The following MYBPC3 variants were observed in gnomAD, a reference collection of about 807,000 sequenced individuals.
MYBPC3 encodes myosin-binding protein C, cardiac-type.
Under a neutral mutation model 159.3 loss-of-function variants are expected in MYBPC3, and 108 were observed. That is an observed-to-expected ratio of 0.68 (90% confidence interval 0.58 to 0.80). The LOEUF (loss-of-function observed/expected upper bound fraction) is 0.80. MYBPC3 is among the 30% of genes least tolerant of loss of function. MYBPC3 has a pLI of 0.00. For missense variants in MYBPC3, 1,631 were observed against 1,762.1 expected (o/e 0.93, Z 1.33); for synonymous variants, 730 against 702.0 (o/e 1.04, Z -0.63).
Position 47,332,514 on chromosome 11 carries a change from C to A in MYBPC3, c.3627+52G>T. On this transcript the variant is annotated intron_variant, in intron 32 of 34. Transcript: ENST00000545968. This position sits in a 1 kb window ranked among gnomAD's most constrained non-coding sequence, Gnocchi z 4.2. ...GGGAGAGGACTGCTCAACGTCGGGGCCTGTGAGCCCTGCCTCCTGGTCGGC... is the reference window on the plus strand; with the variant it reads ...GGGAGAGGACTGCTCAACGTCGGGGACTGTGAGCCCTGCCTCCTGGTCGGC... 1 of 1,577,684 alleles carries A rather than the reference C, an allele frequency of 6.3e-7. No individual in the cohort carries two copies. The highest frequency in any genetic ancestry group is 8.6e-7 in the Non-Finnish European group (1 of 1,159,470).
intron 12 of MYBPC3, among the ~76,000 whole-genome samples, chr11:47,343,922 G>A (rs561770283): frequency 1.3e-5 from 2 of 152,328 alleles, no homozygotes; most frequent in African/African-American, 4.8e-5. Flanking sequence ...CCGAGTAGCT[G>A]GGATTACAGG....
Position 47,342,945 on chromosome 11 carries a change from C to A in MYBPC3, c.1352-10G>T, listed in dbSNP as rs745645848. ...ATGAGCACAGGGGGCTCTGTCCAGGCAGGGTGAGCATGAGGGTTGGCTCCC... is the reference window on the plus strand; with the variant it reads ...ATGAGCACAGGGGGCTCTGTCCAGGAAGGGTGAGCATGAGGGTTGGCTCCC... On this transcript the variant is annotated splice_polypyrimidine_tract_variant and intron_variant, in intron 15 of 34. Transcript: ENST00000545968. The A allele has an allele frequency of 2.5e-6, 4 of 1,610,934 alleles. No individual in the cohort carries two copies. The highest frequency in any genetic ancestry group is 3.4e-6 in the Non-Finnish European group (4 of 1,178,602).
At position 47,332,536 on chromosome 11, in the gene MYBPC3, C is replaced by T. The variant is rs373904644; in HGVS notation, c.3627+30G>A. 1,170 of 1,589,296 alleles carry T rather than the reference C, an allele frequency of 7.4e-4. 16 individuals carry two copies. In the South Asian group the frequency reaches 0.012, roughly 17 times the overall value. On this transcript the variant is annotated intron_variant, in intron 32 of 34. Coordinates refer to ENST00000545968, the MANE Select transcript of MYBPC3 (RefSeq NM_000256.3). This position sits in a 1 kb window ranked among gnomAD's most constrained non-coding sequence, Gnocchi z 4.2. ...GGGCCTGTGAGCCCTGCCTCCTGGT[C>T]GGCCTGGACCAGCGCCTAAAGTTCC...
chr11:47,335,024 G>A lies in MYBPC3; in HGVS notation c.2905+18C>T, dbSNP rs1051047152. 9 of 1,499,192 alleles carry A rather than the reference G, an allele frequency of 6.0e-6. No individual in the cohort carries two copies. Among genetic ancestry groups the A allele is most frequent in the African/African-American group, 1.4e-5 (1 of 71,458 alleles). 92.9% of individuals were successfully genotyped at this position (1,499,192 alleles called of 1,614,324 possible). A position where few individuals can be genotyped will look rare whatever the true frequency, so the allele number is the denominator to read the frequency against. ...GGTGTCAATGGCGGGTCTTGTGACT[G>A]CACAAAGGGGCACTCACGCAGGATC... On this transcript the variant is annotated intron_variant, in intron 27 of 34. Transcript: ENST00000545968.
Position 47,337,525 on chromosome 11 carries a change from A to G in MYBPC3, c.2468T>C (p.Phe823Ser). ...ATGACTCAGCTCCTGAATCAGGTCG[A>G]AGTTCAGCCGCATCCACCGGTAGCT... ...KKSYRWMRLN[F>S]DLIQELSHEA... The change falls in exon 25 of 35, where the codon TTC becomes TCC. Residue 823 changes from phenylalanine (F) to serine (S), a missense_variant. Physicochemically the swap from Phe to Ser is radical, Grantham distance 155 (BLOSUM62 -2). Coordinates refer to ENST00000545968, the MANE Select transcript of MYBPC3 (RefSeq NM_000256.3). 1 of 1,613,982 alleles carries G rather than the reference A, an allele frequency of 6.2e-7. No homozygotes were observed. The highest frequency in any genetic ancestry group is 8.5e-7 in the Non-Finnish European group (1 of 1,179,894).
Position 47,337,452 on chromosome 11 carries a change from G to C in MYBPC3, c.2541C>G (p.Tyr847Ter), listed in dbSNP as rs397515974. Residue 847 changes from tyrosine to a stop codon, truncating the protein, a stop_gained, in exon 25 of 35, where the codon TAC (tyrosine) becomes TAG (stop). Coordinates refer to ENST00000545968, the MANE Select transcript of MYBPC3 (RefSeq NM_000256.3). LOFTEE classifies it high-confidence loss of function. ...IEGVVYEMRVYAVNAIGMSRP... is the reference protein window; with the variant it reads ...IEGVVYEMRV Reference sequence around the variant, plus strand: ...TGGACATGCCGATGGCGTTGACCGCGTAGACGCGCATCTCGTACACCACGC... The same window carrying C: ...TGGACATGCCGATGGCGTTGACCGCCTAGACGCGCATCTCGTACACCACGC... The C allele has an allele frequency of 6.2e-7, 1 of 1,613,278 alleles. No homozygotes were observed. The highest frequency in any genetic ancestry group is 8.5e-7 in the Non-Finnish European group (1 of 1,179,784).
In MYBPC3 at chr11:47,343,145, C is replaced by T; in HGVS notation, c.1227G>A (p.Lys409=). The T allele has an allele frequency of 6.2e-7, 1 of 1,610,468 alleles. No individual in the cohort carries two copies. Among genetic ancestry groups the T allele is most frequent in the Non-Finnish European group, 8.5e-7 (1 of 1,178,372 alleles). ...NGQEIQMSGS[K]YIFESIGAKR... is the part of the protein sequence containing the mutation. ...TGGCACCGATGGACTCAAAGATGTACCTGGGTGGGGGCCGCAGGGAAGTGG... is the reference window on the plus strand; with the variant it reads ...TGGCACCGATGGACTCAAAGATGTATCTGGGTGGGGGCCGCAGGGAAGTGG... Residue 409 remains lysine (K), a splice_region_variant and synonymous_variant, in exon 15 of 35, where the codon AAG becomes AAA. Transcript: ENST00000545968.
At chr11:47,349,731 C>T in intron 5 of MYBPC3, 43 bp downstream of exon 5, 1 of 1,589,242 alleles carries the variant, frequency 6.3e-7, no homozygotes, top group Non-Finnish European at 8.5e-7. Flanking sequence ...TAGGGCTCTC[C>T]ATGTCCCCTC....
chr11:47,348,334 G>T, intron 6 of MYBPC3, 90 bp downstream of exon 6: 1 of 972,510 alleles, frequency 1.0e-6, no homozygotes, highest in Non-Finnish European at 1.6e-6. Context: ...TGGATGGGAC[G>T]AGGCATCCTC....
intron 12 of MYBPC3, among the ~76,000 whole-genome samples, chr11:47,345,648 C>T (rs2095893373): frequency 6.6e-6 from 1 of 152,148 alleles, no homozygotes; most frequent in Non-Finnish European, 1.5e-5. Context: ...TGGAGAAGGG[C>T]TATTCCTGGG....
In MYBPC3 at chr11:47,338,430, TG is replaced by T. The variant is rs2095884758; in HGVS notation, c.2308+89del. 4 of 1,569,060 alleles carry T rather than the reference TG, an allele frequency of 2.5e-6. No homozygotes were observed. The South Asian group carries it at 4.6e-5, about 18-fold the overall frequency. ...CTCGGCTCAGGGAGCATGCCCGTGA[TG>T]TTTGTCGAGTGGCTGAATGAGCGAA... On this transcript the variant is annotated intron_variant, in intron 23 of 34. Coordinates refer to ENST00000545968, the MANE Select transcript of MYBPC3 (RefSeq NM_000256.3). The surrounding 1 kb of genome is among the most constrained non-coding windows in gnomAD (Gnocchi z 4.7).
chr11:47,338,771 G>A lies in MYBPC3; in HGVS notation c.2149-92C>T, dbSNP rs2095885292. 2 of 1,405,026 alleles carry A rather than the reference G, an allele frequency of 1.4e-6. No individual in the cohort carries two copies. Among genetic ancestry groups the A allele is most frequent in the Non-Finnish European group, 1.9e-6 (2 of 1,052,990 alleles). 87.0% of individuals were successfully genotyped at this position (1,405,026 alleles called of 1,614,324 possible). On this transcript the variant is annotated intron_variant, in intron 22 of 34. Transcript: ENST00000545968. This position sits in a 1 kb window ranked among gnomAD's most constrained non-coding sequence, Gnocchi z 4.7. ...CAGCCAGATGTCCCGGGGGTCCATG[G>A]GGGGAACACAGCCTGTGGGAAGACT...
In MYBPC3 at chr11:47,348,419, C is replaced by T. The variant is rs730880626; in HGVS notation, c.772+5G>A. 1.2e-6 allele frequency: 2 copies of T among 1,604,476 alleles called. No homozygotes were observed. The highest frequency in any genetic ancestry group is 1.7e-6 in the Non-Finnish European group (2 of 1,173,736). ...AGCCCAGGACAGACACCAGGGCCCC[C>T]TCACCGTGGACAGTGAGATTGAAGT... is the stretch of plus-strand genomic sequence containing the variant. On this transcript the variant is annotated splice_donor_5th_base_variant and intron_variant, in intron 6 of 34. Coordinates refer to ENST00000545968, the MANE Select transcript of MYBPC3 (RefSeq NM_000256.3).
Position 47,346,477 on chromosome 11 carries a change from C to G in MYBPC3, c.927-107G>C, listed in dbSNP as rs1212451720. 1 of 1,459,556 alleles carries G rather than the reference C, an allele frequency of 6.9e-7. No homozygotes were observed. The highest frequency in any genetic ancestry group is 2.6e-5 in the Admixed American group (1 of 39,026). 90.4% of individuals were successfully genotyped at this position (1,459,556 alleles called of 1,614,324 possible). A position where few individuals can be genotyped will look rare whatever the true frequency, so the allele number is the denominator to read the frequency against. ...CTGTAGCCACCCCTGTCCCTCTGCC[C>G]CTTCCCTTCTGGTGGGGCAGCTGGA... On this transcript the variant is annotated intron_variant, in intron 11 of 34. Transcript: ENST00000545968. This position sits in a 1 kb window ranked among gnomAD's most constrained non-coding sequence, Gnocchi z 5.3.
rs397515912 is a variant in MYBPC3, at chr11:47,342,611, C to A, written c.1591G>T (p.Gly531Trp). ...ATGAGCTCAGCCAGCGCCTGGCCCC[C>A]GCTAGTGCACAGTGCATAGTGCCCC... ...DAGHYALCTS[G>W]GQALAELIVQ... The change falls in exon 17 of 35, where the codon GGG becomes TGG. Residue 531 changes from glycine to tryptophan, a missense_variant. Transcript: ENST00000545968. 1.2e-6 allele frequency: 2 copies of A among 1,612,338 alleles called. No individual in the cohort carries two copies. Among genetic ancestry groups the A allele is most frequent in the African/African-American group, 1.3e-5 (1 of 74,914 alleles).
intron 5 of MYBPC3, 107 bp downstream of exon 5, chr11:47,349,667 C>T: frequency 7.0e-7 from 1 of 1,422,602 alleles, no homozygotes; most frequent in East Asian, 2.5e-5. Context: ...CCCTTGCTTG[C>T]AGCTCGTGTG....
In MYBPC3 at chr11:47,331,724, A is replaced by T; in HGVS notation, c.*27-8T>A. On this transcript the variant is annotated splice_polypyrimidine_tract_variant and splice_region_variant and intron_variant, in intron 34 of 34. Transcript: ENST00000545968. ...GCTGGCATCCGGTTGTACCTGCAACACAGGTTATCTTACGAGTGAATGGAG... is the reference window on the plus strand; with the variant it reads ...GCTGGCATCCGGTTGTACCTGCAACTCAGGTTATCTTACGAGTGAATGGAG... 1.9e-6 allele frequency: 2 copies of T among 1,074,058 alleles called. No homozygotes were observed. Among genetic ancestry groups the T allele is most frequent in the Non-Finnish European group, 2.6e-6 (2 of 762,004 alleles). 66.5% of individuals were successfully genotyped at this position (1,074,058 alleles called of 1,614,324 possible).
chr11:47,341,023 A>G lies in MYBPC3; in HGVS notation c.1907T>C (p.Ile636Thr). Residue 636 changes from isoleucine to threonine, a missense_variant, in exon 20 of 35, where the codon ATT becomes ACT. Ile to Thr is a moderately conservative substitution (Grantham distance 89, BLOSUM62 -1). Transcript: ENST00000545968. Reference sequence around the variant, plus strand: ...CTTACCCTGCCTGGGTACGAAGTCAATCTTGACCTCTGCAAGAGAAGGAAG... The same window carrying G: ...CTTACCCTGCCTGGGTACGAAGTCAGTCTTGACCTCTGCAAGAGAAGGAAG... ...SAKLHFMEVK[I>T]DFVPRQEPPK... 2 of 1,575,706 alleles carry G rather than the reference A, an allele frequency of 1.3e-6. No individual in the cohort carries two copies. The highest frequency in any genetic ancestry group is 1.7e-6 in the Non-Finnish European group (2 of 1,160,868).
chr11:47,332,542 G>T lies in MYBPC3; in HGVS notation c.3627+24C>A. 6.3e-7 allele frequency: 1 copy of T among 1,598,360 alleles called. No individual in the cohort carries two copies. On this transcript the variant is annotated intron_variant, in intron 32 of 34. Transcript: ENST00000545968. This position sits in a 1 kb window ranked among gnomAD's most constrained non-coding sequence, Gnocchi z 4.2. ...GTGAGCCCTGCCTCCTGGTCGGCCT[G>T]GACCAGCGCCTAAAGTTCCCTACCT...
Sources: allele counts gnomAD v4.1 joint callset (sites outside exome capture counted in the v4.1 genomes callset), GRCh38; gene constraint gnomAD v4.1.1; non-coding constraint Gnocchi (gnomAD v3.1); transcripts MANE v1.5; gene names NCBI Gene and HGNC (gene_info 2026-07-23, HGNC 2026-07-21).